DENND10: variants seen among roughly 807,000 people sequenced by gnomAD.
DENND10 encodes DENN domain-containing protein 10.
A neutral mutation model predicts 43.6 loss-of-function variants in DENND10; 24 were observed. The observed-to-expected ratio is 0.55, with a 90% CI of 0.40 to 0.77. DENND10 has a LOEUF of 0.77. Among genes scored for constraint, DENND10 ranks in the 30% least tolerant of loss-of-function variants. The probability of loss-of-function intolerance (pLI) is 0.00; values close to 1 mark genes in which losing one functional copy is unlikely to be tolerated. For synonymous variants in DENND10, 125 were observed against 157.6 expected (o/e 0.79, Z 1.55); for missense variants, 303 against 429.9 (o/e 0.70, Z 2.61).
chr10:119,111,234 C>T (rs1589717117), intron 2 of DENND10, among the ~76,000 whole-genome samples: 2 of 141,882 alleles, frequency 1.4e-5, no homozygotes, highest in African/African-American at 5.2e-5. Flanking sequence ...CACCACTGCA[C>T]TCCAGCCTGG....
At chr10:119,119,900 C>T (rs1845477502) in intron 4 of DENND10, among the ~76,000 whole-genome samples, 1 of 152,016 alleles carries the variant, frequency 6.6e-6, no homozygotes, top group African/African-American at 2.4e-5. Flanking sequence ...TACTCTTCCA[C>T]CAAATAAAGT....
rs374592730 is a variant in DENND10, at chr10:119,129,519, C to T, written c.699C>T (p.Tyr233=). 119 of 1,610,130 alleles carry T rather than the reference C, an allele frequency of 7.4e-5. No homozygotes were observed. The highest frequency in any genetic ancestry group is 2.5e-4 in the Admixed American group (15 of 59,972). Residue 233 remains tyrosine (Y), a synonymous_variant, in exon 7 of 9, where the codon TAC becomes TAT. Transcript: ENST00000361432. ...ELEALQMCTG[Y]VAGFVDLEVS... The stretch of plus-strand genomic sequence containing the variant: ...TTGCTCATGTTTGTGATGCAGGTTA[C>T]GTCGCTGGATTTGTAGACTTGGAGG...
rs758652618 is a variant in DENND10 at position 119,117,534 on chromosome 10, T to C, written c.348T>C (p.His116=). The change falls in exon 4 of 9, where the codon CAT becomes CAC. Residue 116 remains histidine, a synonymous_variant. Coordinates refer to ENST00000361432, the MANE Select transcript of DENND10 (RefSeq NM_207009.4). ...TTTCTTACAGAATGTACCTGAAACA[T>C]GGGAGCCCAGTTAAAATGATGGAGA... is the stretch of plus-strand genomic sequence containing the variant. ...TRILCRMYLK[H]GSPVKMMESY... The C allele has an allele frequency of 5.6e-6, 9 of 1,613,060 alleles. No homozygotes were observed. The Admixed American group carries it at 1.2e-4, about 21-fold the overall frequency.
intron 7 of DENND10, among the ~76,000 whole-genome samples, chr10:119,130,136 T>C (rs1332773780): frequency 7.9e-5 from 12 of 151,426 alleles, no homozygotes; most frequent in Non-Finnish European, 2.9e-5. Flanking sequence ...TCCCGAGTAG[T>C]TGGGTTTACA....
At chr10:119,118,586 A>G (rs952721560) in intron 4 of DENND10, among the ~76,000 whole-genome samples, 2 of 152,086 alleles carry the variant, frequency 1.3e-5, no homozygotes, top group Non-Finnish European at 2.9e-5. Flanking sequence ...GAATTTTCTC[A>G]GCATCCCTGT....
At chr10:119,109,690 C>G (rs960747856) in intron 2 of DENND10, among the ~76,000 whole-genome samples, 1 of 151,512 alleles carries the variant, frequency 6.6e-6, no homozygotes, top group African/African-American at 2.4e-5. Context: ...ATGATCTCGG[C>G]TCACTGCAAC....
In DENND10 at chr10:119,117,640, A is replaced by G. The variant is rs2133483595; in HGVS notation, c.454A>G (p.Lys152Glu). 1.2e-6 allele frequency: 2 copies of G among 1,613,996 alleles called. No individual in the cohort carries two copies. The highest frequency in any genetic ancestry group is 4.5e-5 in the East Asian group (2 of 44,882). Residue 152 changes from lysine to glutamate, a missense_variant, in exon 4 of 9, where the codon AAG becomes GAG. Transcript: ENST00000361432. ...CCTTAGTAAGGATTTTGATGCCCGA[A>G]AGGCCTACCTGGCTGGCTCCATCAA... ...SFLSKDFDAR[K>E]AYLAGSIKDI...
Position 119,129,527 on chromosome 10 carries a change from G to T in DENND10, c.707G>T (p.Gly236Val), listed in dbSNP as rs1845988201. 6.2e-7 allele frequency: 1 copy of T among 1,612,662 alleles called. No homozygotes were observed. The highest frequency in any genetic ancestry group is 1.3e-5 in the African/African-American group (1 of 74,888). The stretch of plus-strand genomic sequence containing the variant: ...GTTTGTGATGCAGGTTACGTCGCTG[G>T]ATTTGTAGACTTGGAGGTGAGCAAC... ...ALQMCTGYVA[G>V]FVDLEVSNRP... The change falls in exon 7 of 9, where the codon GGA becomes GTA. Residue 236 changes from glycine to valine, a missense_variant. Physicochemically the swap from Gly to Val is moderately radical, Grantham distance 109 (BLOSUM62 -3). Coordinates refer to ENST00000361432, the MANE Select transcript of DENND10 (RefSeq NM_207009.4).
chr10:119,121,547 C>T lies in DENND10; in HGVS notation c.593+1095C>T, dbSNP rs58558908. Reference sequence around the variant, plus strand: ...TTGGCTCACTGCAACATCCACCTCCCGTGTTCAAGTAATTCTCCTGCCTCA... The same window carrying T: ...TTGGCTCACTGCAACATCCACCTCCTGTGTTCAAGTAATTCTCCTGCCTCA... On this transcript the variant is annotated intron_variant, in intron 5 of 8. Coordinates refer to ENST00000361432, the MANE Select transcript of DENND10 (RefSeq NM_207009.4). Among the ~76,000 whole-genome samples, 201 of 151,226 alleles carry T rather than the reference C, an allele frequency of 1.3e-3. 1 individual carries two copies. Among genetic ancestry groups the T allele is most frequent in the African/African-American group, 4.5e-3 (187 of 41,178 alleles).
intron 3 of DENND10, among the ~76,000 whole-genome samples, 184 bp from the exon 4 acceptor site, chr10:119,117,335 G>C (rs1845338654): frequency 6.6e-6 from 1 of 152,002 alleles, no homozygotes; most frequent in African/African-American, 2.4e-5. Flanking sequence ...TTGCACCGTT[G>C]CACTCCAGCC....
At chr10:119,124,020 C>G (rs1468443184) in intron 6 of DENND10, among the ~76,000 whole-genome samples, 2 of 150,098 alleles carry the variant, frequency 1.3e-5, no homozygotes, top group Non-Finnish European at 3.0e-5. Context: ...GGAGAAACCC[C>G]GTCTCTACTA....
chr10:119,104,138 G>T lies in DENND10; in HGVS notation c.-5G>T. ...AGCCAGAGCTGCGCGCCGCGGCGGC[G>T]GAAGATGGCTGCGGCCGAGGTGGCG... On this transcript the variant is annotated 5_prime_UTR_variant, in exon 1 of 9. Coordinates refer to ENST00000361432, the MANE Select transcript of DENND10 (RefSeq NM_207009.4). The T allele has an allele frequency of 6.6e-7, 1 of 1,511,224 alleles. No homozygotes were observed. 93.6% of individuals were successfully genotyped at this position (1,511,224 alleles called of 1,614,324 possible).
At chr10:119,133,235 G>A in intron 8 of DENND10, 1 of 154,096 alleles carries the variant, frequency 6.5e-6, no homozygotes, top group Non-Finnish European at 1.4e-5. Context: ...CTTGCATTTG[G>A]CCTGTTCCCA....
At chr10:119,120,592 G>A (rs1845525005) in intron 5 of DENND10, 140 bp downstream of exon 5, 1 of 642,594 alleles carries the variant, frequency 1.6e-6, no homozygotes, top group East Asian at 2.8e-5. Context: ...TGAAGTTTCT[G>A]TTTAGCTCTA....
chr10:119,120,098 A>G (rs368208283), intron 4 of DENND10, among the ~76,000 whole-genome samples: 5 of 110,114 alleles, frequency 4.5e-5, no homozygotes, highest in Admixed American at 4.1e-4. Context: ...AAATACAAAT[A>G]TTAGCCAGGT....
chr10:119,117,082 G>A (rs148974692), intron 3 of DENND10, among the ~76,000 whole-genome samples: 11 of 152,150 alleles, frequency 7.2e-5, no homozygotes, highest in Non-Finnish European at 1.0e-4. Context: ...GCCAAGCGCA[G>A]TAACTCAGCA....
chr10:119,114,507 G>A (rs529331482), intron 3 of DENND10: 3 of 152,352 alleles, frequency 2.0e-5, no homozygotes, highest in East Asian at 1.9e-4. Context: ...GCCTCTAGTC[G>A]CTTGCTGCTA....
Position 119,124,133 on chromosome 10 carries a change from C to T in DENND10, c.694+564C>T, listed in dbSNP as rs138024443. On this transcript the variant is annotated intron_variant, in intron 6 of 8. Coordinates refer to ENST00000361432, the MANE Select transcript of DENND10 (RefSeq NM_207009.4). ...ACTTGAACCTGGGAGGCGGAGGTTG[C>T]GGTGAGCCAAGATCACACCACTACA... is the stretch of plus-strand genomic sequence containing the variant. 5.8e-3 allele frequency among the ~76,000 whole-genome samples: 859 copies of T among 148,930 alleles called. 12 individuals are homozygous for T. The highest frequency in any genetic ancestry group is 0.02 in the African/African-American group (798 of 40,412).
intron 7 of DENND10, among the ~76,000 whole-genome samples, chr10:119,131,385 G>T (rs1186746781): frequency 3.3e-5 from 5 of 152,204 alleles, no homozygotes; most frequent in African/African-American, 1.2e-4. Flanking sequence ...TTGAACCCGG[G>T]AGGCAGAGCT....
Sources: allele counts gnomAD v4.1 joint callset (sites outside exome capture counted in the v4.1 genomes callset), GRCh38; gene constraint gnomAD v4.1.1; transcripts MANE v1.5; gene names NCBI Gene and HGNC (gene_info 2026-07-23, HGNC 2026-07-21).